Variants in AUTS2 observed in about 807,000 individuals in gnomAD.
AUTS2 encodes autism susceptibility gene 2 protein.
A neutral mutation model predicts 112.4 loss-of-function variants in AUTS2; 17 were observed. The ratio of observed to expected loss-of-function variants is 0.15; its 90% CI spans 0.10 to 0.23. The LOEUF is 0.23. AUTS2 is among the 10% of genes least tolerant of loss of function. AUTS2 has a pLI of 1.00. For synonymous variants in AUTS2, 751 were observed against 702.7 expected (o/e 1.07, Z -1.09); for missense variants, 1,510 against 1,701.6 (o/e 0.89, Z 1.98).
intron 4 of AUTS2, among the ~76,000 whole-genome samples, chr7:70,405,574 G>A (rs942788005): frequency 3.9e-5 from 6 of 152,182 alleles, no homozygotes; most frequent in African/African-American, 1.4e-4. Context: ...GCATTTTGTG[G>A]CATGATATTA....
At chr7:70,537,369 C>A (rs902710218) in intron 5 of AUTS2, among the ~76,000 whole-genome samples, 3 of 152,184 alleles carry the variant, frequency 2.0e-5, no homozygotes, top group Non-Finnish European at 4.4e-5. Flanking sequence ...AGAATTAATT[C>A]TCTTTGCTTA....
intron 4 of AUTS2, among the ~76,000 whole-genome samples, chr7:70,205,541 T>C (rs1307543174): frequency 2.6e-5 from 4 of 152,232 alleles, no homozygotes; most frequent in Non-Finnish European, 5.9e-5. Context: ...GTTACAGTAC[T>C]GTACTACATA....
intron 4 of AUTS2, among the ~76,000 whole-genome samples, chr7:70,145,289 AC>A (rs1338459199): frequency 2.2e-4 from 33 of 152,234 alleles, no homozygotes; most frequent in African/African-American, 7.5e-4. Context: ...AACATACTGT[AC>A]CTTTTTTCTT....
At chr7:70,261,446 A>G (rs767904046) in intron 4 of AUTS2, among the ~76,000 whole-genome samples, 10 of 152,228 alleles carry the variant, frequency 6.6e-5, no homozygotes, top group African/African-American at 2.2e-4. Flanking sequence ...ATCAAACTGT[A>G]TACTTCAAGT....
At chr7:69,704,132 A>T (rs1258524717) in intron 1 of AUTS2, among the ~76,000 whole-genome samples, 3 of 152,094 alleles carry the variant, frequency 2.0e-5, no homozygotes, top group Non-Finnish European at 4.4e-5. Flanking sequence ...TTACAGTGCT[A>T]TCACAGTGGT....
At chr7:69,983,305 T>G (rs770251543) in intron 2 of AUTS2, among the ~76,000 whole-genome samples, 3 of 152,164 alleles carry the variant, frequency 2.0e-5, no homozygotes, top group Non-Finnish European at 4.4e-5. Flanking sequence ...TATAATTTGC[T>G]AAATTATTCC....
At chr7:70,775,070 T>C in intron 12 of AUTS2, 1 of 439,634 alleles carries the variant, frequency 2.3e-6, no homozygotes, top group South Asian at 3.6e-5. Flanking sequence ...GTGAAACTCC[T>C]GGTGTGTGAT....
intron 4 of AUTS2, among the ~76,000 whole-genome samples, chr7:70,393,435 G>T (rs546632572): frequency 6.6e-6 from 1 of 151,976 alleles, no homozygotes; most frequent in Non-Finnish European, 1.5e-5. Flanking sequence ...GTTTGTCCTG[G>T]ACACAGTATT....
chr7:70,108,681 G>C (rs1304198335), intron 2 of AUTS2, among the ~76,000 whole-genome samples: 2 of 151,172 alleles, frequency 1.3e-5, no homozygotes, highest in African/African-American at 4.9e-5. Context: ...AATAATTCCA[G>C]GCCGGGAGCT....
intron 5 of AUTS2, among the ~76,000 whole-genome samples, chr7:70,487,208 A>T (rs1470515535): frequency 6.6e-6 from 1 of 151,900 alleles, no homozygotes; most frequent in Admixed American, 6.6e-5. Flanking sequence ...CATCTACCTC[A>T]TCCTTCTCCT....
rs533731811 is a variant in AUTS2, at chr7:70,623,490, A to G, written c.691-75079A>G. On this transcript the variant is annotated intron_variant, in intron 5 of 18. Transcript: ENST00000342771. Reference sequence around the variant, plus strand: ...CTTAATTTAGTTACCATCAAATAAAATTTAAACATCAGTTCCTCAGTGACA... The same window carrying G: ...CTTAATTTAGTTACCATCAAATAAAGTTTAAACATCAGTTCCTCAGTGACA... 8.5e-4 allele frequency among the ~76,000 whole-genome samples: 130 copies of G among 152,228 alleles called. 2 individuals carry two copies. Among genetic ancestry groups the G allele is most frequent in the Non-Finnish European group, 1.4e-3 (97 of 68,036 alleles).
intron 1 of AUTS2, among the ~76,000 whole-genome samples, chr7:69,616,515 T>C (rs1004869217): frequency 9.9e-5 from 15 of 152,002 alleles, no homozygotes; most frequent in Non-Finnish European, 1.8e-4. Context: ...GGATGTTTTT[T>C]CCCCCCACAA....
chr7:70,209,939 C>T (rs1314892160), intron 4 of AUTS2, among the ~76,000 whole-genome samples: 2 of 151,990 alleles, frequency 1.3e-5, no homozygotes, highest in African/African-American at 2.4e-5. Context: ...GGAATCCCCC[C>T]CTCCACCATG....
intron 1 of AUTS2, among the ~76,000 whole-genome samples, chr7:69,711,192 G>C (rs1798309019): frequency 6.6e-6 from 1 of 152,134 alleles, no homozygotes; most frequent in African/African-American, 2.4e-5. Context: ...CTTGGCTTAT[G>C]TGGTTCTATC....
chr7:69,979,414 A>G (rs1182768635), intron 2 of AUTS2, among the ~76,000 whole-genome samples: 1 of 152,248 alleles, frequency 6.6e-6, no homozygotes, highest in African/African-American at 2.4e-5. Context: ...GACAGCTCAA[A>G]TAACCCTTAA....
At chr7:70,714,424 T>C (rs750270623) in intron 6 of AUTS2, among the ~76,000 whole-genome samples, 6 of 152,196 alleles carry the variant, frequency 3.9e-5, no homozygotes, top group Non-Finnish European at 5.9e-5. Context: ...AAAAAGAACA[T>C]TTCTTACAAA....
intron 4 of AUTS2, among the ~76,000 whole-genome samples, chr7:70,363,968 A>G (rs1253619143): frequency 6.6e-6 from 1 of 152,214 alleles, no homozygotes; most frequent in African/African-American, 2.4e-5. Context: ...TCAGAGCCAG[A>G]GACCATGCCT....
At chr7:69,843,905 A>G (rs753158667) in intron 1 of AUTS2, among the ~76,000 whole-genome samples, 15 of 152,336 alleles carry the variant, frequency 9.8e-5, no homozygotes, top group South Asian at 2.1e-4. Flanking sequence ...CTTGAATACA[A>G]TCTTCTTTTT....
At chr7:70,086,578 T>C (rs769617981) in intron 2 of AUTS2, among the ~76,000 whole-genome samples, 1 of 150,852 alleles carries the variant, frequency 6.6e-6, no homozygotes, top group Non-Finnish European at 1.5e-5. Context: ...GAAACGATGG[T>C]TGCAGTGAGC....
Sources: gnomAD v4.1 joint callset for allele counts (sites outside exome capture counted in the v4.1 genomes callset) on GRCh38, gnomAD v4.1.1 for gene constraint, MANE v1.5 for transcripts, NCBI Gene and HGNC (gene_info 2026-07-23, HGNC 2026-07-21) for gene names.